The following PLEKHA8 variants were observed in gnomAD, a reference collection of about 807,000 sequenced individuals.
PLEKHA8 encodes the protein pleckstrin homology domain-containing family A member 8.
In PLEKHA8, 36 loss-of-function variants were observed where a neutral mutation model predicts 68.2. The observed-to-expected ratio is 0.53, with a 90% confidence interval of 0.40 to 0.70. The LOEUF (loss-of-function observed/expected upper bound fraction) is 0.70, where lower values mean the gene tolerates loss of function less well. PLEKHA8 is among the 30% of genes least tolerant of loss of function. The pLI, the probability that PLEKHA8 is intolerant of heterozygous loss-of-function variation, is 0.00. For synonymous variants in PLEKHA8, 211 were observed against 216.1 expected, an observed-to-expected ratio of 0.98 and a Z score of 0.20; for missense variants, 505 against 615.4, an observed-to-expected ratio of 0.82 and a Z score of 1.90.
chr7:30,079,854 G>A lies in PLEKHA8; in HGVS notation c.*1067G>A, dbSNP rs576082313. ...TGAAGAGCAACTAGATTAAATTCTA[G>A]TTTACAAAATTACCAGTTTTCTTCA... On this transcript the variant is annotated 3_prime_UTR_variant, in exon 14 of 14. Transcript: ENST00000449726. The A allele has an allele frequency of 5.8e-4, 558 of 959,390 alleles. 4 individuals are homozygous for A. In the African/African-American group the frequency reaches 9.6e-3, roughly 17 times the overall value. 59.4% of individuals were successfully genotyped at this position (959,390 alleles called of 1,614,324 possible). A position where few individuals can be genotyped will look rare whatever the true frequency, so the allele number is the denominator to read the frequency against.
chr7:30,084,781 C>T, downstream of PLEKHA8: 2 of 377,828 alleles, frequency 5.3e-6, no homozygotes, highest in African/African-American at 2.2e-5. Flanking sequence ...ACATTTCATC[C>T]TCCTAATAAC....
At chr7:30,034,893 GT>G (rs1562850145) in intron 1 of PLEKHA8, among the ~76,000 whole-genome samples, 1 of 151,890 alleles carries the variant, frequency 6.6e-6, no homozygotes, top group Admixed American at 6.6e-5. Context: ...TTTCTTGTTT[GT>G]TTTTGGTGTT....
intron 9 of PLEKHA8, among the ~76,000 whole-genome samples, chr7:30,060,333 C>T (rs537306608): frequency 3.3e-5 from 5 of 150,256 alleles, no homozygotes; most frequent in South Asian, 2.1e-4. Context: ...CTCAGCTACT[C>T]GGGAGGCTGA....
At chr7:30,031,656 TGAGA>T (rs1790676758) in intron 1 of PLEKHA8, among the ~76,000 whole-genome samples, 1 of 152,212 alleles carries the variant, frequency 6.6e-6, no homozygotes. Context: ...CATGCGTCTG[TGAGA>T]GAGAAATGAT....
chr7:30,042,761 A>G (rs1470482965), intron 1 of PLEKHA8, among the ~76,000 whole-genome samples: 1 of 152,172 alleles, frequency 6.6e-6, no homozygotes, highest in Non-Finnish European at 1.5e-5. Context: ...TCCTTTTCTC[A>G]GGTTCTCAGA....
chr7:30,092,406 C>G (rs1169731783), downstream of PLEKHA8, among the ~76,000 whole-genome samples: 1 of 152,068 alleles, frequency 6.6e-6, no homozygotes, highest in African/African-American at 2.4e-5. Flanking sequence ...CCACTTTGCA[C>G]TGTGTGTCAC....
chr7:30,043,699 A>G (rs767813440), intron 1 of PLEKHA8, among the ~76,000 whole-genome samples: 20 of 152,208 alleles, frequency 1.3e-4, no homozygotes, highest in Non-Finnish European at 2.5e-4. Flanking sequence ...AGTGCTGACT[A>G]TTCAGGCTTC....
intron 12 of PLEKHA8, 53 bp from the exon 13 acceptor site, chr7:30,074,018 G>C: frequency 6.9e-7 from 1 of 1,451,972 alleles, no homozygotes; most frequent in Admixed American, 1.8e-5. Flanking sequence ...TATACAAATA[G>C]CACATCAAAT....
At chr7:30,112,334 AC>A (rs1796299399) in intron 13 of PLEKHA8, among the ~76,000 whole-genome samples, 1 of 152,140 alleles carries the variant, frequency 6.6e-6, no homozygotes. Flanking sequence ...AGATTTTCTG[AC>A]CACAATGTAC....
At chr7:30,076,212 T>C (rs1794601529) in intron 13 of PLEKHA8, among the ~76,000 whole-genome samples, 1 of 152,150 alleles carries the variant, frequency 6.6e-6, no homozygotes, top group African/African-American at 2.4e-5. Context: ...ATTATCATTT[T>C]TAAATGCCAT....
chr7:30,105,171 GA>G (rs1439668537), intron 13 of PLEKHA8, among the ~76,000 whole-genome samples: 1 of 151,960 alleles, frequency 6.6e-6, no homozygotes, highest in Non-Finnish European at 1.5e-5. Context: ...TAAAAGTTAA[GA>G]AAAACATGTT....
chr7:30,057,855 T>A (rs1793119839), intron 9 of PLEKHA8, among the ~76,000 whole-genome samples: 1 of 152,244 alleles, frequency 6.6e-6, no homozygotes, highest in Non-Finnish European at 1.5e-5. Flanking sequence ...AGGACTGGAA[T>A]TGCTGGTTCA....
intron 12 of PLEKHA8, among the ~76,000 whole-genome samples, chr7:30,070,348 G>C (rs1424467374): frequency 1.3e-5 from 2 of 152,080 alleles, no homozygotes; most frequent in Non-Finnish European, 2.9e-5. Flanking sequence ...ATGTGCTGCT[G>C]TACAAACACT....
intron 13 of PLEKHA8, chr7:30,115,927 T>C (rs542002779): frequency 1.6e-5 from 2 of 125,582 alleles, no homozygotes; most frequent in East Asian, 4.1e-4. Context: ...TGCGTGTACA[T>C]ACATGTATAC....
intron 9 of PLEKHA8, among the ~76,000 whole-genome samples, chr7:30,056,278 TTC>T (rs761685260): frequency 0.014 from 798 of 56,372 alleles, 16 homozygotes; most frequent in African/African-American, 0.026. Flanking sequence ...TAAAGATATA[TTC>T]TCTCTCTCTC....
intron 8 of PLEKHA8, 53 bp downstream of exon 8, chr7:30,054,918 G>T: frequency 6.7e-7 from 1 of 1,497,210 alleles, no homozygotes; most frequent in South Asian, 1.3e-5. Flanking sequence ...TTCCATTCTG[G>T]AAAATCAGTC....
Position 30,059,491 on chromosome 7 carries a change from C to G in PLEKHA8, c.1040-1393C>G, listed in dbSNP as rs1194826689. 3.3e-5 allele frequency among the ~76,000 whole-genome samples: 5 copies of G among 152,024 alleles called. No homozygotes were observed. The East Asian group carries it at 7.7e-4, about 23-fold the overall frequency. On this transcript the variant is annotated intron_variant, in intron 9 of 13. Coordinates refer to ENST00000449726, the MANE Select transcript of PLEKHA8 (RefSeq NM_001197026.2). Reference sequence around the variant, plus strand: ...TCATTCATTATCTTGGTATTTGTTTCTATCATCTTGCTACTTATTTTCTGC... The same window carrying G: ...TCATTCATTATCTTGGTATTTGTTTGTATCATCTTGCTACTTATTTTCTGC...
rs1204478581 is a variant in PLEKHA8, at chr7:30,083,620, T to A, written c.*4833T>A. ...CATTGATCTTTCTTCTCTGCTGTTT[T>A]TATATAGCCTTTAATTAAAAGGAAA... On this transcript the variant is annotated 3_prime_UTR_variant, in exon 14 of 14. Coordinates refer to ENST00000449726, the MANE Select transcript of PLEKHA8 (RefSeq NM_001197026.2). 1 of 985,302 alleles carries A rather than the reference T, an allele frequency of 1.0e-6. No homozygotes were observed. The highest frequency in any genetic ancestry group is 1.2e-6 in the Non-Finnish European group (1 of 829,922). 61.0% of individuals were successfully genotyped at this position (985,302 alleles called of 1,614,324 possible). A position where few individuals can be genotyped will look rare whatever the true frequency, so the allele number is the denominator to read the frequency against.
intron 13 of PLEKHA8, among the ~76,000 whole-genome samples, chr7:30,076,576 T>C (rs185079179): frequency 1.8e-4 from 27 of 152,280 alleles, no homozygotes; most frequent in Non-Finnish European, 1.6e-4. Context: ...TCCCTGCTTA[T>C]AGACAGAGAA....
Sources: allele counts gnomAD v4.1 joint callset (sites outside exome capture counted in the v4.1 genomes callset), GRCh38; gene constraint gnomAD v4.1.1; transcripts MANE v1.5; gene names NCBI Gene and HGNC (gene_info 2026-07-23, HGNC 2026-07-21).